DNAAF11: variants seen among roughly 807,000 people sequenced by gnomAD.
DNAAF11 encodes dynein axonemal assembly factor 11.
A neutral mutation model predicts 60.8 loss-of-function variants in DNAAF11; 45 were observed. The ratio of observed to expected loss-of-function variants is 0.74; its 90% CI spans 0.58 to 0.95. The LOEUF is 0.95. Ranked by LOEUF, DNAAF11 falls within the 40% of genes least tolerant of loss-of-function variation. The probability of loss-of-function intolerance (pLI) is 0.00; values close to 1 mark genes in which losing one functional copy is unlikely to be tolerated. For synonymous variants in DNAAF11, 191 were observed against 183.5 expected, an observed-to-expected ratio of 1.04 and a Z score of -0.33; for missense variants, 546 against 546.2, an observed-to-expected ratio of 1.00 and a Z score of 0.00.
chr8:132,675,098 C>A (rs958865386), intron 1 of DNAAF11, among the ~76,000 whole-genome samples: 7 of 152,164 alleles, frequency 4.6e-5, no homozygotes, highest in Non-Finnish European at 8.8e-5. Flanking sequence ...CCGAAGATTG[C>A]GGCTTGGAGA....
In DNAAF11 at chr8:132,632,750, T is replaced by C; in HGVS notation, c.643A>G (p.Asn215Asp). 1 of 1,608,760 alleles carries C rather than the reference T, an allele frequency of 6.2e-7. No homozygotes were observed. Among genetic ancestry groups the C allele is most frequent in the Non-Finnish European group, 8.5e-7 (1 of 1,175,150 alleles). The change falls in exon 5 of 12, where the codon AAT (asparagine) becomes GAT (aspartate). Residue 215 changes from asparagine (N) to aspartate (D), a missense_variant. Coordinates refer to ENST00000620350, the MANE Select transcript of DNAAF11 (RefSeq NM_012472.6). ...GFDGRWYTDINATLSSLESKD... is the reference protein window; with the variant it reads ...GFDGRWYTDIDATLSSLESKD... ...TAATAATTTACATACAGAGTAGCAT[T>C]GATGTCTGTGTACCAACGTCCATCA... is the stretch of plus-strand genomic sequence containing the variant.
chr8:132,687,605 G>T, the DNAAF11 span: 1 of 456,034 alleles, frequency 2.2e-6, no homozygotes, highest in Admixed American at 2.3e-5. Flanking sequence ...CAAGCTTCCT[G>T]TGCATTCTCC....
chr8:132,585,093 T>G (rs1444214147), intron 10 of DNAAF11, among the ~76,000 whole-genome samples: 3 of 152,172 alleles, frequency 2.0e-5, no homozygotes, highest in Admixed American at 1.3e-4. Context: ...GCCTAGCCCA[T>G]TGTTTATCAT....
chr8:132,672,117 A>G (rs1825248323), intron 1 of DNAAF11, among the ~76,000 whole-genome samples: 1 of 152,226 alleles, frequency 6.6e-6, no homozygotes, highest in Non-Finnish European at 1.5e-5. Flanking sequence ...TATATCCAGA[A>G]TATATAGAAG....
At chr8:132,609,874 A>G (rs768571476) in intron 10 of DNAAF11, among the ~76,000 whole-genome samples, 1 of 152,212 alleles carries the variant, frequency 6.6e-6, no homozygotes, top group African/African-American at 2.4e-5. Context: ...ACTCATTCAT[A>G]TGGCCTGTAA....
intron 1 of DNAAF11, among the ~76,000 whole-genome samples, chr8:132,674,021 G>C (rs1465105394): frequency 6.6e-6 from 1 of 151,860 alleles, no homozygotes; most frequent in Admixed American, 6.6e-5. Flanking sequence ...AGAAGGAGGA[G>C]AAGGAGCAGG....
chr8:132,577,089 A>T lies in DNAAF11; in HGVS notation c.1227-4609T>A, dbSNP rs185033128. ...ACCGTGGATTAAGAAGCAGAACATT[A>T]TCAGCATTCTAGGAGCTCCTACTGT... On this transcript the variant is annotated intron_variant, in intron 11 of 11. Coordinates refer to ENST00000620350, the MANE Select transcript of DNAAF11 (RefSeq NM_012472.6). 9.6e-4 allele frequency among the ~76,000 whole-genome samples: 147 copies of T among 152,348 alleles called. 3 individuals are homozygous for T. Among genetic ancestry groups the T allele is most frequent in the Admixed American group, 9.5e-3 (146 of 15,296 alleles).
intron 7 of DNAAF11, among the ~76,000 whole-genome samples, chr8:132,619,642 C>G (rs1451723977): frequency 6.6e-6 from 1 of 152,124 alleles, no homozygotes; most frequent in Non-Finnish European, 1.5e-5. Context: ...CAAGTGCAGA[C>G]AATTCCATTA....
chr8:132,697,717 C>G, the DNAAF11 span, among the ~76,000 whole-genome samples: 1 of 152,022 alleles, frequency 6.6e-6, no homozygotes, highest in South Asian at 2.1e-4. Flanking sequence ...CCAAGAATGA[C>G]TGGAATCGTA....
At chr8:132,688,867 T>C in the DNAAF11 span, among the ~76,000 whole-genome samples, 1 of 152,224 alleles carries the variant, frequency 6.6e-6, no homozygotes, top group Non-Finnish European at 1.5e-5. Flanking sequence ...CTTATTAATA[T>C]ACTCAGAATC....
chr8:132,595,344 AGG>A (rs753996965), intron 10 of DNAAF11, among the ~76,000 whole-genome samples: 427 of 37,548 alleles, frequency 0.011, 39 homozygotes, highest in African/African-American at 0.044. Context: ...AGAGAGACAG[AGG>A]GGAAAAAAAA....
At chr8:132,611,551 T>A (rs550671812) in intron 8 of DNAAF11, among the ~76,000 whole-genome samples, 188 bp from the exon 9 acceptor site, 1 of 152,306 alleles carries the variant, frequency 6.6e-6, no homozygotes, top group East Asian at 1.9e-4. Flanking sequence ...ATATCAGCAA[T>A]TTCATTTTTA....
chr8:132,607,572 G>T (rs1236096549), intron 10 of DNAAF11, among the ~76,000 whole-genome samples: 2 of 152,158 alleles, frequency 1.3e-5, no homozygotes, highest in Non-Finnish European at 2.9e-5. Flanking sequence ...CCTCATTTAG[G>T]AGTAAGAAAA....
Position 132,611,339 on chromosome 8 carries a change from A to G in DNAAF11, c.999T>C (p.Asp333=). 1 of 1,610,944 alleles carries G rather than the reference A, an allele frequency of 6.2e-7. No individual in the cohort carries two copies. Among genetic ancestry groups the G allele is most frequent in the Non-Finnish European group, 8.5e-7 (1 of 1,177,402 alleles). ...GCACGTAAGTTGGTTGCACATCAACATCGATTAAAGAGGTATCCATATACC... is the reference window on the plus strand; with the variant it reads ...GCACGTAAGTTGGTTGCACATCAACGTCGATTAAAGAGGTATCCATATACC... The part of the protein sequence containing the change: ...VYRYMDTSLI[D]VDVQPTYVRV... Residue 333 remains aspartate (D), a synonymous_variant, in exon 9 of 12, where the codon GAT becomes GAC. Transcript: ENST00000620350.
chr8:132,639,410 C>T (rs1388052144), intron 3 of DNAAF11, among the ~76,000 whole-genome samples: 6 of 152,202 alleles, frequency 3.9e-5, no homozygotes. Flanking sequence ...CAAAGTTCTA[C>T]ACACCCTTCC....
intron 10 of DNAAF11, among the ~76,000 whole-genome samples, chr8:132,603,357 G>T (rs1817821732): frequency 1.3e-5 from 2 of 152,096 alleles, no homozygotes; most frequent in Non-Finnish European, 2.9e-5. Context: ...AGAAGCCTAG[G>T]TATAAGAAAC....
At chr8:132,700,289 G>A in the DNAAF11 span, among the ~76,000 whole-genome samples, 1 of 152,140 alleles carries the variant, frequency 6.6e-6, no homozygotes, top group Non-Finnish European at 1.5e-5. Flanking sequence ...CCAGGTTTTG[G>A]GAGAAGCCAG....
In DNAAF11 at chr8:132,667,871, G is replaced by T. The variant is rs143503998; in HGVS notation, c.11-6244C>A. 3.3e-5 allele frequency among the ~76,000 whole-genome samples: 5 copies of T among 152,294 alleles called. No individual in the cohort carries two copies. In the East Asian group the frequency reaches 7.7e-4, roughly 24 times the overall value. On this transcript the variant is annotated intron_variant, in intron 1 of 11. Coordinates refer to ENST00000620350, the MANE Select transcript of DNAAF11 (RefSeq NM_012472.6). ...CGGTGAGGAGGTTTCTGGGATACTG[G>T]AGGCTGTCCTGCTGTGTTTGTTTCT...
intron 8 of DNAAF11, among the ~76,000 whole-genome samples, chr8:132,612,110 G>A (rs1382715247): frequency 1.3e-5 from 2 of 152,088 alleles, no homozygotes; most frequent in African/African-American, 4.8e-5. Context: ...ACAGGCTTGT[G>A]GGGAACTGGC....
Sources: allele counts gnomAD v4.1 joint callset (sites outside exome capture counted in the v4.1 genomes callset), GRCh38; gene constraint gnomAD v4.1.1; transcripts MANE v1.5; gene names NCBI Gene and HGNC (gene_info 2026-07-23, HGNC 2026-07-21).